The following FBN1 variants were observed in gnomAD, a reference collection of about 807,000 sequenced individuals.
FBN1 encodes fibrillin-1.
FBN1 carries 29 observed loss-of-function variants against 365.1 expected under a neutral mutation model. The observed-to-expected ratio is 0.08, with a 90% CI of 0.06 to 0.11. FBN1 has a LOEUF of 0.11. Among genes scored for constraint, FBN1 ranks in the 10% least tolerant of loss-of-function variants. FBN1 has a pLI of 1.00. For synonymous variants in FBN1, 1,210 were observed against 1,270.5 expected, an observed-to-expected ratio of 0.95 and a Z score of 1.01; for missense variants, 2,476 against 3,703.2, an observed-to-expected ratio of 0.67 and a Z score of 8.60.
At position 48,456,843 on chromosome 15, in the gene FBN1, C is replaced by CGTGCGTGTGT. The variant is rs6145556; in HGVS notation, c.5297-82_5297-81insACACACGCAC. ...GGTAAGACAAGATGGAAAGTGCGTGCGTGTGTGTGTGTGTGTGTGTGTGTG... is the reference window on the plus strand; with the variant it reads ...GGTAAGACAAGATGGAAAGTGCGTGCGTGCGTGTGTGTGTGTGTGTGTGTGTGTGTGTGTG... On this transcript the variant is annotated intron_variant, in intron 43 of 65. Transcript: ENST00000316623. 2.0e-4 allele frequency: 151 copies of CGTGCGTGTGT among 744,718 alleles called. No homozygotes were observed. In the African/African-American group the frequency reaches 2.5e-3, roughly 13 times the overall value. 46.1% of individuals were successfully genotyped at this position (744,718 alleles called of 1,614,324 possible). A position where few individuals can be genotyped will look rare whatever the true frequency, so the allele number is the denominator to read the frequency against.
At chr15:48,537,283 C>T (rs567142012) in intron 7 of FBN1, among the ~76,000 whole-genome samples, 60 of 152,280 alleles carry the variant, frequency 3.9e-4, no homozygotes, top group African/African-American at 1.4e-3. Context: ...CTACCTTGTT[C>T]ACAAACCTTG....
Position 48,465,579 on chromosome 15 carries a change from C to T in FBN1, c.4931G>A (p.Arg1644Gln), listed in dbSNP as rs768366890. The change falls in exon 40 of 66, where the codon CGA (arginine) becomes CAA (glutamine). Residue 1644 changes from arginine to glutamine, a missense_variant. Around this residue, in one of 5 missense-constraint regions of FBN1, gnomAD observed 1,780 missense variants for 2,840.8 expected, o/e 0.63. Transcript: ENST00000316623. ...CCAGGACCATTTACCATCACACACT[C>T]GTGTATCTTCATTCAGGTAGTAGCC... ...PTGYYLNEDT[R>Q]VCDDVNECET... is the part of the protein sequence containing the mutation. The T allele has an allele frequency of 9.9e-6, 16 of 1,614,084 alleles. No homozygotes were observed. The highest frequency in any genetic ancestry group is 6.6e-5 in the South Asian group (6 of 91,066).
At chr15:48,533,069 T>A (rs12911416) in intron 8 of FBN1, among the ~76,000 whole-genome samples, 1 of 152,226 alleles carries the variant, frequency 6.6e-6, no homozygotes, top group African/African-American at 2.4e-5. Flanking sequence ...TTTAAAGCTG[T>A]CTTTTGCTCA....
At chr15:48,625,197 A>G (rs1017053305) in intron 2 of FBN1, among the ~76,000 whole-genome samples, 1 of 152,196 alleles carries the variant, frequency 6.6e-6, no homozygotes, top group Non-Finnish European at 1.5e-5. Flanking sequence ...CCTGTCCAAT[A>G]GAAACAATGT....
In FBN1 at chr15:48,436,965, A is replaced by G; in HGVS notation, c.6492T>C (p.Cys2164=). The change falls in exon 53 of 66, where the codon TGT becomes TGC. Residue 2164 remains cysteine, a synonymous_variant. Transcript: ENST00000316623. ...GGAAGAAAACTTATTACTCACCTAC[A>G]CATTCATTCCCTGCTAGAATATAAC... ...PFGYILAGNE[C]VDTDECSVGN... is the part of the protein sequence containing the mutation. 1 of 1,578,706 alleles carries G rather than the reference A, an allele frequency of 6.3e-7. No individual in the cohort carries two copies. The highest frequency in any genetic ancestry group is 8.7e-7 in the Non-Finnish European group (1 of 1,147,912).
rs1566907518 is a variant in FBN1 at position 48,479,014 on chromosome 15, T to C, written c.3964+2641A>G. 2.0e-5 allele frequency among the ~76,000 whole-genome samples: 3 copies of C among 152,206 alleles called. No individual in the cohort carries two copies. The South Asian group carries it at 6.2e-4, about 32-fold the overall frequency. ...CATAATTCTTTTCATTAAACAATAATCTATCTAAATAAATAAATAGATAAA... is the reference window on the plus strand; with the variant it reads ...CATAATTCTTTTCATTAAACAATAACCTATCTAAATAAATAAATAGATAAA... On this transcript the variant is annotated intron_variant, in intron 32 of 65. Coordinates refer to ENST00000316623, the MANE Select transcript of FBN1 (RefSeq NM_000138.5).
chr15:48,441,815 A>C lies in FBN1; in HGVS notation c.6069T>G (p.Ile2023Met), dbSNP rs778537464. 6.2e-7 allele frequency: 1 copy of C among 1,613,618 alleles called. No homozygotes were observed. Among genetic ancestry groups the C allele is most frequent in the African/African-American group, 1.3e-5 (1 of 75,022 alleles). The change falls in exon 50 of 66, where the codon ATT (isoleucine) becomes ATG (methionine). Residue 2023 changes from isoleucine to methionine, a missense_variant. Transcript: ENST00000316623. ...DIDECVEEPEICALGTCSNTE... is the reference protein window; with the variant it reads ...DIDECVEEPEMCALGTCSNTE... ...TGTTACTGCATGTGCCCAGGGCACA[A>C]ATTTCTGGCTCTTCGACACACTCAT...
chr15:48,534,578 C>CA (rs1255596887), intron 7 of FBN1, among the ~76,000 whole-genome samples: 1 of 152,136 alleles, frequency 6.6e-6, no homozygotes, highest in African/African-American at 2.4e-5. Context: ...TAGTAATAAT[C>CA]AGAGTTATTC....
chr15:48,544,004 A>C (rs778400219), intron 6 of FBN1, among the ~76,000 whole-genome samples: 124 of 152,172 alleles, frequency 8.1e-4, no homozygotes, highest in Non-Finnish European at 1.4e-3. Flanking sequence ...GTGTACATAC[A>C]CATAGAGAGC....
At chr15:48,628,386 A>G (rs1433701549) in intron 2 of FBN1, among the ~76,000 whole-genome samples, 1 of 152,094 alleles carries the variant, frequency 6.6e-6, no homozygotes, top group African/African-American at 2.4e-5. Context: ...ATCTCTGCAG[A>G]TATCTTCTTT....
At chr15:48,478,135 G>C (rs749060534) in intron 32 of FBN1, among the ~76,000 whole-genome samples, 2 of 152,230 alleles carry the variant, frequency 1.3e-5, no homozygotes, top group Non-Finnish European at 2.9e-5. Context: ...AGGCATTGAG[G>C]AAGAGGGCGT....
At chr15:48,542,240 C>A (rs892575417) in intron 6 of FBN1, among the ~76,000 whole-genome samples, 2 of 152,222 alleles carry the variant, frequency 1.3e-5, no homozygotes, top group African/African-American at 4.8e-5. Context: ...AAAGAATATT[C>A]TGTGGTACAA....
chr15:48,433,853 C>T (rs530904714), intron 54 of FBN1, among the ~76,000 whole-genome samples: 1 of 152,326 alleles, frequency 6.6e-6, no homozygotes, highest in South Asian at 2.1e-4. Flanking sequence ...TCTCTGCCTT[C>T]ACCTCTCCTT....
chr15:48,545,605 G>T (rs1597597947), intron 6 of FBN1, among the ~76,000 whole-genome samples: 2 of 152,164 alleles, frequency 1.3e-5, no homozygotes, highest in African/African-American at 4.8e-5. Context: ...ACATGAAAAG[G>T]TTCTGGAGAT....
At chr15:48,545,939 C>T (rs567020027) in intron 6 of FBN1, among the ~76,000 whole-genome samples, 12 of 152,042 alleles carry the variant, frequency 7.9e-5, no homozygotes, top group East Asian at 3.9e-4. Flanking sequence ...GTGTGAGGAT[C>T]GCTTGCCGTA....
chr15:48,508,211 TAAC>T (rs768092074), intron 15 of FBN1, among the ~76,000 whole-genome samples: 1 of 152,070 alleles, frequency 6.6e-6, no homozygotes, highest in Non-Finnish European at 1.5e-5. Flanking sequence ...AGGTGGCAAA[TAAC>T]AGCCACCAAG....
chr15:48,456,812 G>C (rs745572209), intron 43 of FBN1, 50 bp from the exon 44 acceptor site: 8 of 1,588,534 alleles, frequency 5.0e-6, no homozygotes, highest in Non-Finnish European at 6.9e-6. Context: ...CATGATCCCT[G>C]TGCAGGGTAA....
At chr15:48,585,979 G>C (rs1385241907) in intron 6 of FBN1, among the ~76,000 whole-genome samples, 1 of 152,164 alleles carries the variant, frequency 6.6e-6, no homozygotes, top group African/African-American at 2.4e-5. Flanking sequence ...ATTCTAGATG[G>C]TTTTATGCTG....
intron 6 of FBN1, among the ~76,000 whole-genome samples, chr15:48,574,919 T>C (rs1301435298): frequency 1.3e-5 from 2 of 152,230 alleles, no homozygotes; most frequent in East Asian, 1.9e-4. Context: ...GCATCACATA[T>C]AAAGATATTA....
Sources: gnomAD v4.1 joint callset for allele counts (sites outside exome capture counted in the v4.1 genomes callset) on GRCh38, gnomAD v4.1.1 for gene constraint, gnomAD v4.1.1 regional missense constraint, MANE v1.5 for transcripts, NCBI Gene and HGNC (gene_info 2026-07-23, HGNC 2026-07-21) for gene names.